CDYL: variants seen among roughly 807,000 people sequenced by gnomAD.
CDYL encodes chromodomain Y like, also known as chromodomain Y-like protein.
CDYL carries 8 observed loss-of-function variants against 47.3 expected under a neutral mutation model. That is an observed-to-expected ratio of 0.17 (90% CI 0.10 to 0.31). CDYL has a LOEUF of 0.31. Among genes scored for constraint, CDYL ranks in the 10% least tolerant of loss-of-function variants. The pLI is 1.00. For synonymous variants in CDYL, 266 were observed against 265.0 expected (o/e 1.00, Z -0.04); for missense variants, 471 against 701.4 (o/e 0.67, Z 3.71).
At chr6:4,916,016 C>G (rs959637077) in intron 2 of CDYL, among the ~76,000 whole-genome samples, 2 of 152,218 alleles carry the variant, frequency 1.3e-5, no homozygotes, top group Admixed American at 6.5e-5. Flanking sequence ...GAAGCCTCCC[C>G]ACCCCGCCAC....
chr6:4,938,196 AC>A (rs1341011290), intron 4 of CDYL, among the ~76,000 whole-genome samples: 4 of 151,232 alleles, frequency 2.6e-5, no homozygotes, highest in Non-Finnish European at 5.9e-5. Flanking sequence ...GCTCCGTAAC[AC>A]CACATGGAGA....
At chr6:4,745,538 T>C (rs1757878208) in intron 3 of CDYL, among the ~76,000 whole-genome samples, 1 of 151,726 alleles carries the variant, frequency 6.6e-6, no homozygotes, top group Non-Finnish European at 1.5e-5. Context: ...GGTCAGGAAT[T>C]CGAGACCAGC....
intron 3 of CDYL, among the ~76,000 whole-genome samples, chr6:4,742,087 G>A (rs556307821): frequency 6.6e-6 from 1 of 152,338 alleles, no homozygotes; most frequent in African/African-American, 2.4e-5. Context: ...AAGGCTGGGT[G>A]TGGTGGCTCA....
intron 1 of CDYL, among the ~76,000 whole-genome samples, chr6:4,806,813 C>T (rs1342975255): frequency 6.6e-6 from 1 of 152,214 alleles, no homozygotes; most frequent in Non-Finnish European, 1.5e-5. Context: ...GGCCAGAATT[C>T]CATAGACACA....
chr6:4,862,094 G>A (rs1020386558), intron 1 of CDYL, among the ~76,000 whole-genome samples: 4 of 152,074 alleles, frequency 2.6e-5, no homozygotes, highest in East Asian at 1.9e-4. Context: ...TTGCTCTTGC[G>A]GGTACTGTGC....
intron 3 of CDYL, among the ~76,000 whole-genome samples, chr6:4,765,061 G>A (rs1372183205): frequency 1.3e-5 from 2 of 152,242 alleles, no homozygotes; most frequent in South Asian, 2.1e-4. Flanking sequence ...GGTGGCTCAC[G>A]CCTGTAATCC....
At chr6:4,768,543 C>A (rs1348673132) in intron 3 of CDYL, among the ~76,000 whole-genome samples, 1 of 151,768 alleles carries the variant, frequency 6.6e-6, no homozygotes, top group Non-Finnish European at 1.5e-5. Context: ...GGATTATAAT[C>A]CAGGGTATAA....
chr6:4,707,396 G>C (rs569252183), intron 1 of CDYL, among the ~76,000 whole-genome samples: 1 of 152,290 alleles, frequency 6.6e-6, no homozygotes, highest in African/African-American at 2.4e-5. Flanking sequence ...TCCTGCCTCA[G>C]CCTCCTGAGT....
chr6:4,735,643 G>A (rs1160191582), intron 3 of CDYL, among the ~76,000 whole-genome samples: 1 of 152,024 alleles, frequency 6.6e-6, no homozygotes, highest in Non-Finnish European at 1.5e-5. Context: ...GTGCACACCT[G>A]TAATCCCAAC....
chr6:4,883,144 A>T (rs185230024), intron 1 of CDYL, among the ~76,000 whole-genome samples: 148 of 152,320 alleles, frequency 9.7e-4, no homozygotes, highest in Admixed American at 2.2e-3. Context: ...AGGTGAAAAT[A>T]GCTCCCGAAA....
chr6:4,724,160 C>T (rs1466565794), intron 2 of CDYL, among the ~76,000 whole-genome samples: 2 of 152,120 alleles, frequency 1.3e-5, no homozygotes, highest in African/African-American at 4.8e-5. Context: ...CCTGCCTCAG[C>T]TTCCGAAGTA....
chr6:4,798,103 G>C (rs1226547718), intron 1 of CDYL, among the ~76,000 whole-genome samples: 1 of 151,982 alleles, frequency 6.6e-6, no homozygotes, highest in Non-Finnish European at 1.5e-5. Flanking sequence ...CTCCTAGGTA[G>C]CTAGGACTGT....
chr6:4,813,836 C>G (rs547902890), intron 1 of CDYL, among the ~76,000 whole-genome samples: 3 of 151,568 alleles, frequency 2.0e-5, no homozygotes, highest in Non-Finnish European at 4.4e-5. Context: ...TGCTGTGGTG[C>G]GATTATGGCT....
At chr6:4,825,928 T>C (rs1759970491) in intron 1 of CDYL, among the ~76,000 whole-genome samples, 1 of 151,826 alleles carries the variant, frequency 6.6e-6, no homozygotes, top group South Asian at 2.1e-4. Flanking sequence ...CTGCCTTGTT[T>C]CAGCTGTGAG....
At chr6:4,832,388 G>A (rs1346382670) in intron 1 of CDYL, among the ~76,000 whole-genome samples, 5 of 151,154 alleles carry the variant, frequency 3.3e-5, no homozygotes, top group African/African-American at 1.2e-4. Context: ...TTATTGATTT[G>A]CGTATATTGA....
chr6:4,891,126 A>C (rs1223041472), intron 1 of CDYL, among the ~76,000 whole-genome samples: 1 of 152,236 alleles, frequency 6.6e-6, no homozygotes. Context: ...ATTAATTAAA[A>C]CCAAGATTTG....
intron 1 of CDYL, among the ~76,000 whole-genome samples, chr6:4,784,153 C>G (rs1002459745): frequency 6.6e-6 from 1 of 152,058 alleles, no homozygotes; most frequent in African/African-American, 2.4e-5. Flanking sequence ...TTTTAATTTT[C>G]AATAATTACA....
In CDYL at chr6:4,792,953, C is replaced by T. The variant is rs552581472; in HGVS notation, c.24+16146C>T. The stretch of plus-strand genomic sequence containing the variant: ...TAGACCATCTCTCCCCATTATTTGC[C>T]ACCTCTGTCATAGATGTTTCCATCC... On this transcript the variant is annotated intron_variant, in intron 1 of 6. Transcript: ENST00000397588. 7.2e-5 allele frequency among the ~76,000 whole-genome samples: 11 copies of T among 152,212 alleles called. No individual in the cohort carries two copies. In the South Asian group the frequency reaches 2.3e-3, roughly 32 times the overall value.
chr6:4,780,019 G>A (rs142794951), intron 1 of CDYL, among the ~76,000 whole-genome samples: 17 of 152,200 alleles, frequency 1.1e-4, no homozygotes, highest in African/African-American at 4.1e-4. Flanking sequence ...CACAAAAATA[G>A]GCAGTGGGCT....
Sources: gnomAD v4.1 joint callset for allele counts (sites outside exome capture counted in the v4.1 genomes callset) on GRCh38, gnomAD v4.1.1 for gene constraint, MANE v1.5 for transcripts, NCBI Gene and HGNC (gene_info 2026-07-23, HGNC 2026-07-21) for gene names.